GIT2: variants seen among roughly 807,000 people sequenced by gnomAD.
The protein encoded by GIT2 is ARF GTPase-activating protein GIT2.
GIT2 carries 32 observed loss-of-function variants against 100.3 expected under a neutral mutation model. That is an observed-to-expected ratio of 0.32 (90% CI 0.24 to 0.43). The LOEUF (loss-of-function observed/expected upper bound fraction) is 0.43. GIT2 is among the 20% of genes least tolerant of loss of function. The pLI is 1.00. For missense variants in GIT2, 737 were observed against 975.1 expected (o/e 0.76, Z 3.25); for synonymous variants, 353 against 364.1 (o/e 0.97, Z 0.35).
chr12:109,994,594 C>T (rs1888998694), intron 1 of GIT2, among the ~76,000 whole-genome samples: 1 of 152,082 alleles, frequency 6.6e-6, no homozygotes. Flanking sequence ...GCAGATTAGG[C>T]GTATGAGACA....
Position 109,947,104 on chromosome 12 carries a change from A to T in GIT2, c.1641+152T>A. ...GTGTGCTTGTGGGAATATCGCAAGC[A>T]TCTGTGGACATGTTAATACAGCAAA... On this transcript the variant is annotated intron_variant, in intron 15 of 19. Coordinates refer to ENST00000355312, the MANE Select transcript of GIT2 (RefSeq NM_057169.5). This position sits in a 1 kb window ranked among gnomAD's most constrained non-coding sequence, Gnocchi z 4.3. 1 of 688,186 alleles carries T rather than the reference A, an allele frequency of 1.5e-6. No homozygotes were observed. The highest frequency in any genetic ancestry group is 2.5e-6 in the Non-Finnish European group (1 of 401,698). 42.6% of individuals were successfully genotyped at this position (688,186 alleles called of 1,614,324 possible). A position where few individuals can be genotyped will look rare whatever the true frequency, so the allele number is the denominator to read the frequency against.
At chr12:109,964,410 G>T (rs866549791) in intron 9 of GIT2, among the ~76,000 whole-genome samples, 8 of 152,056 alleles carry the variant, frequency 5.3e-5, no homozygotes, top group Middle Eastern at 3.2e-3. Context: ...AGGGTCTTCT[G>T]TGAAAACAGA....
Position 109,938,501 on chromosome 12 carries a change from C to T in GIT2, c.1882G>A (p.Glu628Lys). 6.2e-7 allele frequency: 1 copy of T among 1,613,874 alleles called. No individual in the cohort carries two copies. Among genetic ancestry groups the T allele is most frequent in the Non-Finnish European group, 8.5e-7 (1 of 1,179,794 alleles). The part of the protein sequence containing the change: ...PGDGLVPDTA[E>K]PHVAPSPTLP... ...GTGGGGCTTGGGGCCACATGGGGTTCTGCTGTGTCTGGTACCAAGCCATCC... is the reference window on the plus strand; with the variant it reads ...GTGGGGCTTGGGGCCACATGGGGTTTTGCTGTGTCTGGTACCAAGCCATCC... The change falls in exon 18 of 20, where the codon GAA (glutamate) becomes AAA (lysine). Residue 628 changes from glutamate (E) to lysine (K), a missense_variant. By Grantham distance (56) the Glu-to-Lys change is moderately conservative (BLOSUM62 1). This residue lies in a region of GIT2 where 451 missense variants were observed against 543.7 expected (regional missense o/e 0.83). Transcript: ENST00000355312.
At chr12:109,944,875 A>T (rs1285501241) in intron 16 of GIT2, among the ~76,000 whole-genome samples, 1 of 152,072 alleles carries the variant, frequency 6.6e-6, no homozygotes, top group Non-Finnish European at 1.5e-5. Flanking sequence ...GAGTCCACAT[A>T]CAGCAGTTTC....
At chr12:109,987,665 G>A (rs1238546658) in intron 4 of GIT2, among the ~76,000 whole-genome samples, 5 of 151,792 alleles carry the variant, frequency 3.3e-5, no homozygotes, top group Non-Finnish European at 7.4e-5. Flanking sequence ...ACGGGGTTTC[G>A]CCATGTTGCC....
At chr12:109,966,508 C>CAA (rs749586402) in intron 8 of GIT2, among the ~76,000 whole-genome samples, 4,237 of 69,786 alleles carry the variant, frequency 0.061, 224 homozygotes, top group East Asian at 0.15. Context: ...GACTCTGTCT[C>CAA]AAAAAAAAAA....
Position 109,992,411 on chromosome 12 carries a change from T to C in GIT2, c.53-651A>G, listed in dbSNP as rs1253395543. ...ATCCGCCCACCTCGGCCTCCCAAAG[T>C]GCTGAGATTACAGGCGTGAGCCACT... On this transcript the variant is annotated intron_variant, in intron 1 of 19. Transcript: ENST00000355312. Among the ~76,000 whole-genome samples, 3 of 152,042 alleles carry C rather than the reference T, an allele frequency of 2.0e-5. No homozygotes were observed. In the East Asian group the frequency reaches 5.8e-4, roughly 29 times the overall value.
rs117809460 is a variant in GIT2 at position 109,948,571 on chromosome 12, C to T, written c.1393-1067G>A. ...TGCGCAGGGTCCTTCCCTTCTGGTG[C>T]GCCTTCATCTTCCATGGACATTCTA... On this transcript the variant is annotated intron_variant, in intron 14 of 19. Coordinates refer to ENST00000355312, the MANE Select transcript of GIT2 (RefSeq NM_057169.5). The surrounding 1 kb of genome is among the most constrained non-coding windows in gnomAD (Gnocchi z 4.3). The T allele has an allele frequency of 7.0e-4, 965 of 1,378,326 alleles. 5 individuals carry two copies. The South Asian group carries it at 0.012, about 17-fold the overall frequency. 85.4% of individuals were successfully genotyped at this position (1,378,326 alleles called of 1,614,324 possible). A position where few individuals can be genotyped will look rare whatever the true frequency, so the allele number is the denominator to read the frequency against.
At chr12:109,978,415 T>C (rs2136709105) in intron 7 of GIT2, among the ~76,000 whole-genome samples, 1 of 152,274 alleles carries the variant, frequency 6.6e-6, no homozygotes, top group East Asian at 1.9e-4. Context: ...CCAATATTTC[T>C]TCAAATACGT....
chr12:109,967,094 T>G (rs1882701128), intron 8 of GIT2, among the ~76,000 whole-genome samples: 1 of 152,190 alleles, frequency 6.6e-6, no homozygotes, highest in African/African-American at 2.4e-5. Flanking sequence ...CCACAAAGTC[T>G]AAAATATTTA....
intron 9 of GIT2, 98 bp from the exon 10 acceptor site, chr12:109,961,783 T>TA (rs1881154832): frequency 2.6e-6 from 2 of 760,856 alleles, no homozygotes; most frequent in Non-Finnish European, 4.7e-6. Flanking sequence ...GCCTACGTCT[T>TA]ATCCAATGCC....
At chr12:109,977,769 C>A (rs1286894906) in intron 7 of GIT2, among the ~76,000 whole-genome samples, 1 of 150,922 alleles carries the variant, frequency 6.6e-6, no homozygotes, top group Non-Finnish European at 1.5e-5. Flanking sequence ...TTTCAGTGAG[C>A]CAAGATTGCA....
intron 4 of GIT2, among the ~76,000 whole-genome samples, chr12:109,988,252 T>C (rs1316747680): frequency 6.6e-6 from 1 of 152,210 alleles, no homozygotes; most frequent in Non-Finnish European, 1.5e-5. Context: ...GCCATTTGAA[T>C]TCAGATTAAA....
rs534927484 is a variant in GIT2 at position 109,973,167 on chromosome 12, G to T, written c.719-5664C>A. On this transcript the variant is annotated intron_variant, in intron 7 of 19. Coordinates refer to ENST00000355312, the MANE Select transcript of GIT2 (RefSeq NM_057169.5). The stretch of plus-strand genomic sequence containing the variant: ...TATTATTGTTATTATTAGAGATGGA[G>T]TCTGACTCTGTCACCCAGGCTGGAG... Among the ~76,000 whole-genome samples, 3 of 152,218 alleles carry T rather than the reference G, an allele frequency of 2.0e-5. No individual in the cohort carries two copies. The East Asian group carries it at 5.8e-4, about 29-fold the overall frequency.
At chr12:109,951,372 T>A in intron 13 of GIT2, 56 bp from the exon 14 acceptor site, 1 of 1,403,794 alleles carries the variant, frequency 7.1e-7, no homozygotes, top group Non-Finnish European at 1.0e-6. Flanking sequence ...CATTAAAGAC[T>A]AACAGCTCAA....
chr12:109,983,276 G>C (rs1233580432), intron 6 of GIT2, 97 bp downstream of exon 6: 3 of 1,027,976 alleles, frequency 2.9e-6, no homozygotes, highest in Middle Eastern at 2.1e-4. Context: ...ATCTTTAAAG[G>C]GGTTCAATAT....
intron 9 of GIT2, among the ~76,000 whole-genome samples, chr12:109,964,517 CAG>C (rs1953717671): frequency 6.6e-6 from 1 of 151,852 alleles, no homozygotes; most frequent in Non-Finnish European, 1.5e-5. Flanking sequence ...GTCCTTGAAT[CAG>C]AGAGATGGAA....
chr12:109,963,867 C>A (rs1303003983), intron 9 of GIT2, among the ~76,000 whole-genome samples: 1 of 152,168 alleles, frequency 6.6e-6, no homozygotes, highest in Non-Finnish European at 1.5e-5. Flanking sequence ...CTGCAGGATC[C>A]TTATCTCCCT....
In GIT2 at chr12:109,983,518, T is replaced by C; in HGVS notation, c.493-15A>G. On this transcript the variant is annotated splice_polypyrimidine_tract_variant and intron_variant, in intron 5 of 19. Transcript: ENST00000355312. ...TTTCCTTTTTCCTAAGAATCATTAA[T>C]AAAAAGTAGGCAAAAGAGCACATTA... The C allele has an allele frequency of 6.2e-7, 1 of 1,612,650 alleles. No homozygotes were observed. Among genetic ancestry groups the C allele is most frequent in the Non-Finnish European group, 8.5e-7 (1 of 1,178,898 alleles).
Sources: allele counts gnomAD v4.1 joint callset (sites outside exome capture counted in the v4.1 genomes callset), GRCh38; gene constraint gnomAD v4.1.1; regional missense constraint gnomAD v4.1.1; non-coding constraint Gnocchi (gnomAD v3.1); transcripts MANE v1.5; gene names NCBI Gene and HGNC (gene_info 2026-07-23, HGNC 2026-07-21).